Variants in FNDC3A observed in about 807,000 individuals in gnomAD.
FNDC3A encodes the protein fibronectin type-III domain-containing protein 3A.
A neutral mutation model predicts 148.9 loss-of-function variants in FNDC3A; 32 were observed. That is an observed-to-expected ratio of 0.21 (90% confidence interval 0.16 to 0.29). The LOEUF is 0.29. FNDC3A is among the 10% of genes least tolerant of loss of function. FNDC3A has a pLI of 1.00. For missense variants in FNDC3A, 1,191 were observed against 1,452.8 expected, an observed-to-expected ratio of 0.82 and a Z score of 2.93; for synonymous variants, 472 against 473.6, an observed-to-expected ratio of 1.00 and a Z score of 0.04.
upstream of FNDC3A, chr13:48,975,600 G>T (rs1372162981): frequency 5.9e-5 from 9 of 152,328 alleles, no homozygotes; most frequent in East Asian, 1.5e-3. Flanking sequence ...TGAGAATTGT[G>T]TGAGTGTCTC....
At chr13:49,009,819 AGGAT>A (rs1318174181) in intron 2 of FNDC3A, among the ~76,000 whole-genome samples, 1 of 152,222 alleles carries the variant, frequency 6.6e-6, no homozygotes, top group African/African-American at 2.4e-5. Flanking sequence ...ACCTTCCAAA[AGGAT>A]TGAATACATT....
chr13:49,116,443 C>G (rs1418058116), intron 4 of FNDC3A, among the ~76,000 whole-genome samples: 1 of 152,174 alleles, frequency 6.6e-6, no homozygotes, highest in Non-Finnish European at 1.5e-5. Context: ...GAGGCAAAGA[C>G]TCATGCCGCT....
Position 49,203,295 on chromosome 13 carries a change from A to G in FNDC3A, c.3282+11A>G. Reference sequence around the variant, plus strand: ...TCAGAATTCAAACAGGTATGTACCAAGATATTAATGTGTGGATGCATATTT... The same window carrying G: ...TCAGAATTCAAACAGGTATGTACCAGGATATTAATGTGTGGATGCATATTT... On this transcript the variant is annotated intron_variant, in intron 25 of 25. Coordinates refer to ENST00000492622, the MANE Select transcript of FNDC3A (RefSeq NM_001079673.2). The G allele has an allele frequency of 6.3e-7, 1 of 1,586,750 alleles. No homozygotes were observed. The highest frequency in any genetic ancestry group is 8.6e-7 in the Non-Finnish European group (1 of 1,163,196).
intron 4 of FNDC3A, among the ~76,000 whole-genome samples, chr13:49,130,166 G>A (rs1264600551): frequency 6.6e-6 from 1 of 151,594 alleles, no homozygotes; most frequent in African/African-American, 2.4e-5. Context: ...GTTCAAAGAG[G>A]AGTAAGTCTT....
chr13:49,190,063 T>C (rs566702846), intron 17 of FNDC3A, among the ~76,000 whole-genome samples: 2 of 152,220 alleles, frequency 1.3e-5, no homozygotes, highest in South Asian at 4.1e-4. Flanking sequence ...CTTTTTTGTA[T>C]TTTTAGTAGA....
At chr13:49,147,681 T>C (rs1447857618) in intron 8 of FNDC3A, among the ~76,000 whole-genome samples, 2 of 152,220 alleles carry the variant, frequency 1.3e-5, no homozygotes, top group African/African-American at 4.8e-5. Flanking sequence ...TCAATAGTGC[T>C]GCAGTAAATG....
chr13:49,085,939 A>G (rs897181396), intron 3 of FNDC3A, among the ~76,000 whole-genome samples: 1 of 149,930 alleles, frequency 6.7e-6, no homozygotes, highest in Admixed American at 6.7e-5. Context: ...CTGGAGTGCA[A>G]TGGCCCGATC....
intron 7 of FNDC3A, among the ~76,000 whole-genome samples, chr13:49,145,206 C>G (rs1011141403): frequency 7.2e-5 from 11 of 152,152 alleles, no homozygotes; most frequent in African/African-American, 2.7e-4. Context: ...AAGGATTGAA[C>G]TTACATATAC....
At chr13:49,150,316 T>C (rs1883216630) in intron 8 of FNDC3A, among the ~76,000 whole-genome samples, 1 of 152,160 alleles carries the variant, frequency 6.6e-6, no homozygotes, top group Non-Finnish European at 1.5e-5. Context: ...TTGGATTTGG[T>C]TTGTTCTTGC....
At chr13:49,066,431 CT>C (rs1236876411) in intron 2 of FNDC3A, among the ~76,000 whole-genome samples, 1 of 152,140 alleles carries the variant, frequency 6.6e-6, no homozygotes, top group Non-Finnish European at 1.5e-5. Flanking sequence ...CCAAGAAACA[CT>C]TATTGAAGAT....
chr13:49,076,971 G>A (rs1328107960), intron 3 of FNDC3A, among the ~76,000 whole-genome samples: 1 of 152,058 alleles, frequency 6.6e-6, no homozygotes, highest in Non-Finnish European at 1.5e-5. Flanking sequence ...TTAACTAATA[G>A]TTATTGCTTT....
At position 49,207,242 on chromosome 13, in the gene FNDC3A, T is replaced by C. The variant is rs546602074; in HGVS notation, c.3444T>C (p.Thr1148=). The C allele has an allele frequency of 1.2e-6, 2 of 1,614,094 alleles. No individual in the cohort carries two copies. Among genetic ancestry groups the C allele is most frequent in the African/African-American group, 2.7e-5 (2 of 74,938 alleles). The change falls in exon 26 of 26, where the codon ACT becomes ACC. Residue 1148 remains threonine, a synonymous_variant. Transcript: ENST00000492622. ...STTVLFISQR[T]EPPASTNRDT... ...CAGTGCTCTTCATCTCTCAGAGGAC[T>C]GAACCACCAGCCAGCACCAACAGAG...
chr13:49,035,529 A>G (rs1261213009), intron 2 of FNDC3A, among the ~76,000 whole-genome samples: 1 of 152,066 alleles, frequency 6.6e-6, no homozygotes, highest in Non-Finnish European at 1.5e-5. Context: ...TGAATGTAGA[A>G]TAATCTGACT....
intron 3 of FNDC3A, among the ~76,000 whole-genome samples, chr13:49,096,254 C>T (rs1879518185): frequency 1.3e-5 from 2 of 152,152 alleles, no homozygotes; most frequent in South Asian, 2.1e-4. Context: ...GTTATTTTCT[C>T]TATGGCTCCA....
At chr13:49,047,734 CTG>C (rs1245789898) in intron 2 of FNDC3A, among the ~76,000 whole-genome samples, 1 of 152,154 alleles carries the variant, frequency 6.6e-6, no homozygotes. Context: ...TTCTCCCACT[CTG>C]TGGGTTGTCT....
At chr13:49,151,062 G>C (rs1301411875) in intron 8 of FNDC3A, among the ~76,000 whole-genome samples, 1 of 152,090 alleles carries the variant, frequency 6.6e-6, no homozygotes, top group African/African-American at 2.4e-5. Context: ...TGTAGCCTTT[G>C]GATGAAATGT....
chr13:49,117,770 A>G (rs1013722360), intron 4 of FNDC3A, among the ~76,000 whole-genome samples: 3 of 152,212 alleles, frequency 2.0e-5, no homozygotes, highest in East Asian at 3.8e-4. Flanking sequence ...CAAGTACTAC[A>G]CCGTTTTATA....
At chr13:49,199,551 C>A (rs1012048513) in intron 23 of FNDC3A, among the ~76,000 whole-genome samples, 2 of 152,092 alleles carry the variant, frequency 1.3e-5, no homozygotes, top group Admixed American at 6.5e-5. Flanking sequence ...TGGTCTCCAT[C>A]TCCTGACCTC....
intron 2 of FNDC3A, among the ~76,000 whole-genome samples, chr13:49,061,140 C>T (rs561301125): frequency 6.6e-6 from 1 of 151,708 alleles, no homozygotes; most frequent in East Asian, 2.0e-4. Context: ...GATGAGATCT[C>T]ACTCTGTCAC....
Sources: gnomAD v4.1 joint callset for allele counts (sites outside exome capture counted in the v4.1 genomes callset) on GRCh38, gnomAD v4.1.1 for gene constraint, MANE v1.5 for transcripts, NCBI Gene and HGNC (gene_info 2026-07-23, HGNC 2026-07-21) for gene names.